CACNA2D4: variants seen among roughly 807,000 people sequenced by gnomAD.
The protein encoded by CACNA2D4 is calcium voltage-gated channel auxiliary subunit alpha2delta 4.
Under a neutral mutation model 163.8 loss-of-function variants are expected in CACNA2D4, and 157 were observed. The ratio of observed to expected loss-of-function variants is 0.96; its 90% confidence interval spans 0.84 to 1.09. CACNA2D4 has a LOEUF of 1.09. Among genes scored for constraint, CACNA2D4 ranks in the 50% least tolerant of loss-of-function variants. The pLI is 0.00. For missense variants in CACNA2D4, 1,410 were observed against 1,479.9 expected (o/e 0.95, Z 0.78); for synonymous variants, 598 against 586.9 (o/e 1.02, Z -0.27).
At chr12:1,857,796 A>G (rs1350781965) in intron 20 of CACNA2D4, among the ~76,000 whole-genome samples, 1 of 152,196 alleles carries the variant, frequency 6.6e-6, no homozygotes, top group Non-Finnish European at 1.5e-5. Flanking sequence ...CTCAAAAGAT[A>G]TGTTGAAGTC....
chr12:1,851,640 T>C (rs1360020454), intron 23 of CACNA2D4, among the ~76,000 whole-genome samples: 1 of 125,892 alleles, frequency 7.9e-6, no homozygotes, highest in Admixed American at 8.7e-5. Flanking sequence ...TTTGCTTTTT[T>C]TGGTGTGTGT....
At position 1,828,242 on chromosome 12, in the gene CACNA2D4, G is replaced by GA. The variant is rs1191648353; in HGVS notation, c.2551+12496_2551+12497insT. On this transcript the variant is annotated intron_variant, in intron 26 of 37. Transcript: ENST00000382722. This position sits in a 1 kb window ranked among gnomAD's most constrained non-coding sequence, Gnocchi z 4.2. Reference sequence around the variant, plus strand: ...TGAGTACACCCCTGGCCTCGGAGGGGGGTGCGGGTTGGGTGGGGGTGCCGA... The same window carrying GA: ...TGAGTACACCCCTGGCCTCGGAGGGGAGGTGCGGGTTGGGTGGGGGTGCCGA... 1.4e-5 allele frequency: 21 copies of GA among 1,530,988 alleles called. No individual in the cohort carries two copies. The highest frequency in any genetic ancestry group is 2.5e-5 in the East Asian group (1 of 39,800). The allele number at this position is 1,530,988 out of a possible 1,614,324, so 94.8% of individuals were successfully genotyped here. A position where few individuals can be genotyped will look rare whatever the true frequency, so the allele number is the denominator to read the frequency against.
At chr12:1,855,323 T>G (rs1023554032) in intron 22 of CACNA2D4, among the ~76,000 whole-genome samples, 5 of 152,174 alleles carry the variant, frequency 3.3e-5, no homozygotes, top group Non-Finnish European at 7.3e-5. Context: ...TGGGTTGGCA[T>G]GGGAGGCAGT....
rs1210340438 is a variant in CACNA2D4 at position 1,913,005 on chromosome 12, A to G, written c.426+18T>C. The G allele has an allele frequency of 6.5e-7, 1 of 1,547,254 alleles. No individual in the cohort carries two copies. Among genetic ancestry groups the G allele is most frequent in the Admixed American group, 1.7e-5 (1 of 59,814 alleles). On this transcript the variant is annotated intron_variant, in intron 3 of 37. Transcript: ENST00000382722. ...GGGGCTGGGGAGAAACGCCCTGCAG[A>G]TCACAGGCCTGGAGTACCTGGACCG...
intron 29 of CACNA2D4, among the ~76,000 whole-genome samples, chr12:1,803,534 G>A (rs1863410027): frequency 1.3e-5 from 2 of 152,142 alleles, no homozygotes; most frequent in Admixed American, 1.3e-4. Flanking sequence ...TGTGTAAGTG[G>A]AAATGGCTGA....
At chr12:1,904,688 T>C (rs545778951) in intron 6 of CACNA2D4, among the ~76,000 whole-genome samples, 61 of 152,180 alleles carry the variant, frequency 4.0e-4, no homozygotes, top group African/African-American at 1.4e-3. Flanking sequence ...TAGAATGTTA[T>C]AATTTTAAGA....
chr12:1,876,411 C>T (rs1296409107), intron 16 of CACNA2D4, among the ~76,000 whole-genome samples: 1 of 152,162 alleles, frequency 6.6e-6, no homozygotes, highest in African/African-American at 2.4e-5. Context: ...ACAGATGTCA[C>T]CAAGTTATCT....
At chr12:1,901,142 C>T (rs1866527435) in intron 6 of CACNA2D4, among the ~76,000 whole-genome samples, 1 of 152,040 alleles carries the variant, frequency 6.6e-6, no homozygotes, top group African/African-American at 2.4e-5. Flanking sequence ...TGAAAAATTT[C>T]TTGAAACAAA....
rs1200048916 is a variant in CACNA2D4, at chr12:1,828,184, C to T, written c.2551+12555G>A. On this transcript the variant is annotated intron_variant, in intron 26 of 37. Transcript: ENST00000382722. The surrounding 1 kb of genome is among the most constrained non-coding windows in gnomAD (Gnocchi z 4.2). Reference sequence around the variant, plus strand: ...CGGGCAGCAGCCCTGGGCAGAGGGGCAGGCTCGCCCTGCAGTGGAGGCAAG... The same window carrying T: ...CGGGCAGCAGCCCTGGGCAGAGGGGTAGGCTCGCCCTGCAGTGGAGGCAAG... 9 of 1,547,092 alleles carry T rather than the reference C, an allele frequency of 5.8e-6. No homozygotes were observed. The highest frequency in any genetic ancestry group is 2.7e-5 in the African/African-American group (2 of 72,876).
intron 37 of CACNA2D4, 173 bp downstream of exon 37, chr12:1,795,126 C>G (rs1244422514): frequency 9.9e-6 from 6 of 607,926 alleles, no homozygotes; most frequent in Non-Finnish European, 1.5e-5. Flanking sequence ...AGATCTGTTT[C>G]TTATTATATC....
At chr12:1,853,862 C>A in intron 23 of CACNA2D4, 89 bp downstream of exon 23, 1 of 1,020,702 alleles carries the variant, frequency 9.8e-7, no homozygotes, top group South Asian at 1.4e-5. Context: ...TCTCCTGAGC[C>A]ACCAGCCAGA....
intron 6 of CACNA2D4, among the ~76,000 whole-genome samples, chr12:1,895,614 T>C (rs1409363343): frequency 6.6e-6 from 1 of 152,180 alleles, no homozygotes; most frequent in Non-Finnish European, 1.5e-5. Flanking sequence ...CAGCTAATTT[T>C]CTTTTTAAAA....
intron 18 of CACNA2D4, among the ~76,000 whole-genome samples, chr12:1,868,085 G>A (rs1349891718): frequency 1.3e-5 from 2 of 152,194 alleles, no homozygotes; most frequent in Admixed American, 6.5e-5. Context: ...AAGTAGAACT[G>A]CCATGTGACC....
intron 26 of CACNA2D4, chr12:1,835,042 C>T (rs1315518825): frequency 2.0e-5 from 6 of 301,970 alleles, no homozygotes; most frequent in South Asian, 1.5e-4. Flanking sequence ...ATTCCCCTGT[C>T]GCCCTTCCTG....
intron 5 of CACNA2D4, 131 bp from the exon 6 acceptor site, chr12:1,907,702 T>C: frequency 1.7e-6 from 2 of 1,171,764 alleles, no homozygotes; most frequent in Non-Finnish European, 2.4e-6. Context: ...GTGTGCCTGG[T>C]GGGCGTGTCT....
chr12:1,899,135 C>T (rs1866479616), intron 6 of CACNA2D4, among the ~76,000 whole-genome samples: 1 of 151,812 alleles, frequency 6.6e-6, no homozygotes, highest in Non-Finnish European at 1.5e-5. Context: ...TTTAAAAAAC[C>T]TCACTACCAA....
At chr12:1,893,392 G>A (rs1015859540) in intron 6 of CACNA2D4, among the ~76,000 whole-genome samples, 9 of 152,080 alleles carry the variant, frequency 5.9e-5, no homozygotes, top group African/African-American at 1.7e-4. Context: ...GGTGGTGGGC[G>A]CCTGTAATCC....
chr12:1,858,495 G>T, intron 20 of CACNA2D4, 82 bp downstream of exon 20: 2 of 1,245,270 alleles, frequency 1.6e-6, no homozygotes, highest in South Asian at 1.3e-5. Flanking sequence ...ACTGGCTCTG[G>T]TTGGGGTTGG....
At chr12:1,811,954 G>A (rs1411061151) in intron 26 of CACNA2D4, among the ~76,000 whole-genome samples, 1 of 152,182 alleles carries the variant, frequency 6.6e-6, no homozygotes, top group African/African-American at 2.4e-5. Context: ...AAGAGCGACA[G>A]AAAATGCCCA....
Sources: gnomAD v4.1 joint callset for allele counts (sites outside exome capture counted in the v4.1 genomes callset) on GRCh38, gnomAD v4.1.1 for gene constraint, Gnocchi (gnomAD v3.1) non-coding constraint, MANE v1.5 for transcripts, NCBI Gene and HGNC (gene_info 2026-07-23, HGNC 2026-07-21) for gene names.